RNLS: variants seen among roughly 807,000 people sequenced by gnomAD.
RNLS encodes renalase.
A neutral mutation model predicts 39.8 loss-of-function variants in RNLS; 39 were observed. The ratio of observed to expected loss-of-function variants is 0.98; its 90% CI spans 0.76 to 1.28. RNLS has a LOEUF of 1.28. Among genes scored for constraint, RNLS ranks in the 50% most tolerant of loss-of-function variants. RNLS has a pLI of 0.00. For missense variants in RNLS, 410 were observed against 413.3 expected (o/e 0.99, Z 0.07); for synonymous variants, 147 against 150.7 (o/e 0.98, Z 0.18).
chr10:88,330,315 A>G (rs982797717), intron 5 of RNLS, among the ~76,000 whole-genome samples: 1 of 151,948 alleles, frequency 6.6e-6, no homozygotes, highest in Non-Finnish European at 1.5e-5. Flanking sequence ...TTAGGGCAAT[A>G]TTGCCCATGA....
intron 4 of RNLS, among the ~76,000 whole-genome samples, chr10:88,474,333 C>A (rs899850563): frequency 6.6e-6 from 1 of 152,104 alleles, no homozygotes; most frequent in African/African-American, 2.4e-5. Context: ...CTGAATGGGG[C>A]ATAATTGGCA....
At chr10:88,201,694 C>CAAAAAAAA in the RNLS span, among the ~76,000 whole-genome samples, 1 of 147,140 alleles carries the variant, frequency 6.8e-6, no homozygotes, top group Non-Finnish European at 1.5e-5. Flanking sequence ...AATTGTGAGC[C>CAAAAAAAA]AAAAAAAAAA....
intron 6 of RNLS, among the ~76,000 whole-genome samples, chr10:88,307,038 A>G (rs1844970541): frequency 6.6e-6 from 1 of 152,244 alleles, no homozygotes; most frequent in Admixed American, 6.5e-5. Context: ...AATAAATATG[A>G]TTCATCATGT....
In RNLS at chr10:88,491,859, T is replaced by C. The variant is rs1232931821; in HGVS notation, c.526+81044A>G. ...ATGAAATGGAGGTAATAAAGGACCA[T>C]TAAGATGAAGTGTAAAGATTCCAAC... On this transcript the variant is annotated intron_variant, in intron 4 of 6. Coordinates refer to ENST00000331772, the MANE Select transcript of RNLS (RefSeq NM_001031709.3). Among the ~76,000 whole-genome samples, 6 of 151,934 alleles carry C rather than the reference T, an allele frequency of 3.9e-5. No individual in the cohort carries two copies. In the South Asian group the frequency reaches 1.2e-3, roughly 31 times the overall value.
At chr10:88,235,898 C>G in the RNLS span, among the ~76,000 whole-genome samples, 32 of 151,188 alleles carry the variant, frequency 2.1e-4, no homozygotes, top group Non-Finnish European at 3.7e-4. Context: ...GTGGTGCTAT[C>G]GCTGCTTACT....
intron 4 of RNLS, among the ~76,000 whole-genome samples, chr10:88,440,295 A>T (rs1466460406): frequency 6.6e-6 from 1 of 152,196 alleles, no homozygotes; most frequent in Non-Finnish European, 1.5e-5. Context: ...CTGGCATTAG[A>T]CTGGTAGAAA....
At chr10:88,458,249 C>T (rs1168047706) in intron 4 of RNLS, among the ~76,000 whole-genome samples, 2 of 152,214 alleles carry the variant, frequency 1.3e-5, no homozygotes, top group Admixed American at 1.3e-4. Context: ...CACATCCATT[C>T]TGCAGAACAT....
chr10:88,414,414 A>C (rs1354424425), intron 4 of RNLS, among the ~76,000 whole-genome samples: 1 of 152,168 alleles, frequency 6.6e-6, no homozygotes, highest in Non-Finnish European at 1.5e-5. Flanking sequence ...ATGGGATCTT[A>C]TTGCAGTATT....
intron 4 of RNLS, among the ~76,000 whole-genome samples, chr10:88,564,163 C>T (rs554055375): frequency 1.1e-4 from 17 of 152,052 alleles, no homozygotes; most frequent in South Asian, 6.2e-4. Context: ...AGATCTTCTC[C>T]GCTTTTATTA....
intron 5 of RNLS, among the ~76,000 whole-genome samples, chr10:88,338,160 A>G (rs1847648064): frequency 1.3e-5 from 2 of 152,050 alleles, no homozygotes; most frequent in East Asian, 1.9e-4. Flanking sequence ...CTTCCCAACC[A>G]CTCCTTGATT....
chr10:88,467,164 T>C lies in RNLS; in HGVS notation c.527-104439A>G, dbSNP rs148427440. ...TCCATTATTTCATTTTGTTGGGCTG[T>C]AAGGCAAGGCCAGTGAGTAGGTCCC... On this transcript the variant is annotated intron_variant, in intron 4 of 6. Coordinates refer to ENST00000331772, the MANE Select transcript of RNLS (RefSeq NM_001031709.3). Among the ~76,000 whole-genome samples, 270 of 152,228 alleles carry C rather than the reference T, an allele frequency of 1.8e-3. 1 individual carries two copies. Among genetic ancestry groups the C allele is most frequent in the African/African-American group, 5.6e-3 (233 of 41,552 alleles).
chr10:88,570,444 A>G (rs1849757620), intron 4 of RNLS, among the ~76,000 whole-genome samples: 1 of 152,214 alleles, frequency 6.6e-6, no homozygotes, highest in East Asian at 1.9e-4. Flanking sequence ...TCAGTTGGTC[A>G]GTTGGTCATT....
intron 5 of RNLS, among the ~76,000 whole-genome samples, chr10:88,327,849 C>T (rs908054110): frequency 2.6e-5 from 4 of 152,106 alleles, no homozygotes; most frequent in East Asian, 3.9e-4. Context: ...GCAATCTGCC[C>T]GCCTCGGCCT....
At chr10:88,286,128 C>A (rs181950546) in intron 6 of RNLS, among the ~76,000 whole-genome samples, 1 of 152,140 alleles carries the variant, frequency 6.6e-6, no homozygotes, top group East Asian at 1.9e-4. Context: ...CTATAGCAGC[C>A]CAAATTGACC....
intron 4 of RNLS, among the ~76,000 whole-genome samples, chr10:88,456,152 T>C (rs967900104): frequency 5.3e-5 from 8 of 152,186 alleles, no homozygotes; most frequent in Admixed American, 2.6e-4. Context: ...GTTATTTCCA[T>C]GCAATGTCTC....
chr10:88,552,812 G>A (rs1483467023), intron 4 of RNLS, among the ~76,000 whole-genome samples: 1 of 152,084 alleles, frequency 6.6e-6, no homozygotes, highest in Admixed American at 6.6e-5. Context: ...AAATCTACAT[G>A]AAAGAAAATT....
chr10:88,176,602 C>G, the RNLS span, among the ~76,000 whole-genome samples: 5 of 152,032 alleles, frequency 3.3e-5, no homozygotes, highest in Non-Finnish European at 5.9e-5. Context: ...TATTACTCTC[C>G]TATTGTTTAT....
At chr10:88,184,340 G>A in the RNLS span, among the ~76,000 whole-genome samples, 2 of 152,028 alleles carry the variant, frequency 1.3e-5, no homozygotes, top group African/African-American at 4.8e-5. Flanking sequence ...GTTCATTTGC[G>A]TTAAACAGTC....
At chr10:88,526,107 G>A (rs1209728117) in intron 4 of RNLS, among the ~76,000 whole-genome samples, 2 of 151,954 alleles carry the variant, frequency 1.3e-5, no homozygotes, top group Non-Finnish European at 2.9e-5. Context: ...AGTGGCCATA[G>A]CATCTCAACT....
Sources: gnomAD v4.1 joint callset for allele counts (sites outside exome capture counted in the v4.1 genomes callset) on GRCh38, gnomAD v4.1.1 for gene constraint, MANE v1.5 for transcripts, NCBI Gene and HGNC (gene_info 2026-07-23, HGNC 2026-07-21) for gene names.